EXOC5: variants seen among roughly 807,000 people sequenced by gnomAD.
EXOC5 encodes SEC10-like 1.
EXOC5 carries 17 observed loss-of-function variants against 90.8 expected under a neutral mutation model. The ratio of observed to expected loss-of-function variants is 0.19; its 90% CI spans 0.13 to 0.28. The LOEUF is 0.28. Among genes scored for constraint, EXOC5 ranks in the 10% least tolerant of loss-of-function variants. EXOC5 has a pLI of 1.00. For synonymous variants in EXOC5, 260 were observed against 270.0 expected (o/e 0.96, Z 0.36); for missense variants, 569 against 830.6 (o/e 0.69, Z 3.87).
Position 57,235,651 on chromosome 14 carries a change from T to A in EXOC5, c.669+60A>T, listed in dbSNP as rs201483027. The A allele has an allele frequency of 2.0e-3, 1,650 of 844,332 alleles. 4 individuals are homozygous for A. The highest frequency in any genetic ancestry group is 2.7e-3 in the Non-Finnish European group (1,378 of 506,954). 52.3% of individuals were successfully genotyped at this position (844,332 alleles called of 1,614,324 possible). On this transcript the variant is annotated intron_variant, in intron 7 of 17. Transcript: ENST00000621441. ...GGGGGAAATCAGAGACTATAATATA[T>A]AGAACTTACGTAATTTCCATAGCCT...
chr14:57,260,315 T>C (rs950434494), intron 1 of EXOC5, among the ~76,000 whole-genome samples: 3 of 152,134 alleles, frequency 2.0e-5, no homozygotes, highest in Non-Finnish European at 4.4e-5. Flanking sequence ...GACACTAATA[T>C]AACTAAAGCA....
intron 1 of EXOC5, among the ~76,000 whole-genome samples, chr14:57,251,206 C>T (rs1417343194): frequency 6.6e-6 from 1 of 152,166 alleles, no homozygotes; most frequent in Non-Finnish European, 1.5e-5. Flanking sequence ...CCACCCTAGC[C>T]CTGTGGCAGA....
At chr14:57,241,602 T>C (rs1224857699) in intron 4 of EXOC5, among the ~76,000 whole-genome samples, 5 of 152,216 alleles carry the variant, frequency 3.3e-5, no homozygotes, top group African/African-American at 4.8e-5. Context: ...TGAATTTCCA[T>C]AGCAAATTAT....
At chr14:57,220,856 T>A (rs112607371) in intron 13 of EXOC5, among the ~76,000 whole-genome samples, 265 of 152,244 alleles carry the variant, frequency 1.7e-3, no homozygotes, top group African/African-American at 4.7e-3. Flanking sequence ...ACACTTTTTT[T>A]AATTTTTTAG....
chr14:57,216,307 G>A (rs565142713), intron 15 of EXOC5, among the ~76,000 whole-genome samples: 13 of 150,984 alleles, frequency 8.6e-5, no homozygotes, highest in South Asian at 8.4e-4. Context: ...AAATTCTTAT[G>A]GAACCAGAAA....
chr14:57,256,136 A>G (rs1050744338), intron 1 of EXOC5, among the ~76,000 whole-genome samples: 2 of 152,146 alleles, frequency 1.3e-5, no homozygotes, highest in African/African-American at 4.8e-5. Context: ...GTCTCTTTAT[A>G]TCTAGGGAAT....
At chr14:57,222,170 A>G (rs1883159192) in intron 13 of EXOC5, 138 bp downstream of exon 13, 4 of 512,318 alleles carry the variant, frequency 7.8e-6, no homozygotes, top group Admixed American at 7.5e-5. Flanking sequence ...AAATCCTTGC[A>G]TTATAAAAGC....
chr14:57,237,587 C>A (rs1883700418), intron 5 of EXOC5: 2 of 428,630 alleles, frequency 4.7e-6, no homozygotes, highest in Non-Finnish European at 4.2e-6. Flanking sequence ...GGAAGCATGC[C>A]AGGTGATAAA....
chr14:57,234,045 A>G lies in EXOC5; in HGVS notation c.670-13T>C. 1 of 1,550,388 alleles carries G rather than the reference A, an allele frequency of 6.4e-7. No homozygotes were observed. Among genetic ancestry groups the G allele is most frequent in the Non-Finnish European group, 8.9e-7 (1 of 1,123,920 alleles). Reference sequence around the variant, plus strand: ...AATGGGAATAACCCTACAAGGAAGAAACACATTGTTATTATTCTGATTCAA... The same window carrying G: ...AATGGGAATAACCCTACAAGGAAGAGACACATTGTTATTATTCTGATTCAA... On this transcript the variant is annotated splice_polypyrimidine_tract_variant and intron_variant, in intron 7 of 17. Transcript: ENST00000621441.
At chr14:57,223,136 T>C (rs892348872) in intron 12 of EXOC5, among the ~76,000 whole-genome samples, 10 of 152,048 alleles carry the variant, frequency 6.6e-5, no homozygotes, top group African/African-American at 2.4e-4. Context: ...AATACGAAAA[T>C]AAGCATAAAG....
chr14:57,246,894 CTAT>C, intron 2 of EXOC5, 36 bp from the exon 3 acceptor site: 1 of 1,285,358 alleles, frequency 7.8e-7, no homozygotes, highest in African/African-American at 1.5e-5. Context: ...ATCAATCTAC[CTAT>C]TATTAATCCT....
intron 1 of EXOC5, among the ~76,000 whole-genome samples, chr14:57,254,071 C>A (rs1359548973): frequency 2.0e-5 from 3 of 152,086 alleles, no homozygotes; most frequent in African/African-American, 7.2e-5. Context: ...TAATCCAATT[C>A]AAAAATGGGC....
chr14:57,208,809 G>A lies in EXOC5; in HGVS notation c.1939-12C>T, dbSNP rs1297795036. 2.6e-6 allele frequency: 4 copies of A among 1,529,618 alleles called. No individual in the cohort carries two copies. Among genetic ancestry groups the A allele is most frequent in the South Asian group, 2.4e-5 (2 of 83,656 alleles). 94.8% of individuals were successfully genotyped at this position (1,529,618 alleles called of 1,614,324 possible). On this transcript the variant is annotated splice_polypyrimidine_tract_variant and intron_variant, in intron 17 of 17. Transcript: ENST00000621441. ...AATACCATTGGAATCTGAATTGAGA[G>A]AAGAAAAAAAGTAACATTGAAACAA... is the stretch of plus-strand genomic sequence containing the variant.
intron 15 of EXOC5, among the ~76,000 whole-genome samples, chr14:57,214,934 T>C (rs550926402): frequency 1.3e-3 from 192 of 152,166 alleles, no homozygotes; most frequent in Non-Finnish European, 2.4e-3. Flanking sequence ...CTACCCAACA[T>C]GAAGAGAAGA....
At position 57,200,851 on chromosome 14, in the gene EXOC5, G is replaced by A. The variant is rs1243457103; in HGVS notation, c.*7758C>T. On this transcript the variant is annotated 3_prime_UTR_variant, in exon 18 of 18. Transcript: ENST00000621441. ...ATTTAATATTTTAAAATTTTTACAG[G>A]ATTTCTGCAATGACCATTCTTATTC... is the stretch of plus-strand genomic sequence containing the variant. The A allele has an allele frequency of 6.6e-6, 1 of 151,122 alleles. No homozygotes were observed. Among genetic ancestry groups the A allele is most frequent in the Non-Finnish European group, 1.5e-5 (1 of 67,926 alleles). 9.4% of individuals were successfully genotyped at this position (151,122 alleles called of 1,614,324 possible).
At chr14:57,217,931 A>T in intron 15 of EXOC5, 51 bp downstream of exon 15, 1 of 856,652 alleles carries the variant, frequency 1.2e-6, no homozygotes, top group Admixed American at 1.9e-5. Context: ...CTGCTATAAT[A>T]TGGTGTTTTT....
chr14:57,259,675 A>G (rs2139668514), intron 1 of EXOC5, among the ~76,000 whole-genome samples: 1 of 152,298 alleles, frequency 6.6e-6, no homozygotes, highest in South Asian at 2.1e-4. Context: ...CATGGTCTCC[A>G]TTAATTTCTC....
Position 57,268,743 on chromosome 14 carries a change from G to A in EXOC5, c.-95C>T, listed in dbSNP as rs1293964601. 8.1e-6 allele frequency: 12 copies of A among 1,486,356 alleles called. 1 individual carries two copies. Among genetic ancestry groups the A allele is most frequent in the Non-Finnish European group, 1.1e-5 (12 of 1,123,010 alleles). The allele number at this position is 1,486,356 out of a possible 1,614,324, so 92.1% of individuals were successfully genotyped here. On this transcript the variant is annotated 5_prime_UTR_variant, in exon 1 of 18. Coordinates refer to ENST00000621441, the MANE Select transcript of EXOC5 (RefSeq NM_006544.4). ...CGGCGCACAGGTCTCCGCTCGGCTCGCCAGCTCCGGCTCCGGGCCGCTGCG... is the reference window on the plus strand; with the variant it reads ...CGGCGCACAGGTCTCCGCTCGGCTCACCAGCTCCGGCTCCGGGCCGCTGCG...
Position 57,209,795 on chromosome 14 carries a change from T to G in EXOC5, c.1723-13A>C. ...CTTTTACACAGGCCTATAAAAGTTT[T>G]TCTACACTCATTACACAGGAATGTA... On this transcript the variant is annotated splice_polypyrimidine_tract_variant and intron_variant, in intron 16 of 17. Coordinates refer to ENST00000621441, the MANE Select transcript of EXOC5 (RefSeq NM_006544.4). 6.4e-7 allele frequency: 1 copy of G among 1,558,576 alleles called. No homozygotes were observed.
Sources: gnomAD v4.1 joint callset for allele counts (sites outside exome capture counted in the v4.1 genomes callset) on GRCh38, gnomAD v4.1.1 for gene constraint, MANE v1.5 for transcripts, NCBI Gene and HGNC (gene_info 2026-07-23, HGNC 2026-07-21) for gene names.